Variants in SCARB2 observed in about 807,000 individuals in gnomAD.
SCARB2 encodes lysosome membrane protein 2.
SCARB2 carries 29 observed loss-of-function variants against 58.6 expected under a neutral mutation model. The ratio of observed to expected loss-of-function variants is 0.49; its 90% CI spans 0.37 to 0.67. SCARB2 has a LOEUF of 0.67. Ranked by LOEUF, SCARB2 falls within the 30% of genes least tolerant of loss-of-function variation. The pLI, the probability that SCARB2 is intolerant of heterozygous loss-of-function variation, is 0.00. For synonymous variants in SCARB2, 195 were observed against 210.1 expected, an observed-to-expected ratio of 0.93 and a Z score of 0.62; for missense variants, 488 against 578.5, an observed-to-expected ratio of 0.84 and a Z score of 1.60.
intron 1 of SCARB2, among the ~76,000 whole-genome samples, chr4:76,223,731 G>T (rs987721549): frequency 6.6e-6 from 1 of 152,138 alleles, no homozygotes; most frequent in African/African-American, 2.4e-5. Flanking sequence ...GTCCCTCAAG[G>T]CCCAGTCACA....
At position 76,165,870 on chromosome 4, in the gene SCARB2, A is replaced by T. The variant is rs1731998589; in HGVS notation, c.1239+380T>A. 1.3e-5 allele frequency: 4 copies of T among 319,624 alleles called. No homozygotes were observed. In the East Asian group the frequency reaches 2.9e-4, roughly 23 times the overall value. The allele number at this position is 319,624 out of a possible 1,614,324, so 19.8% of individuals were successfully genotyped here. A position where few individuals can be genotyped will look rare whatever the true frequency, so the allele number is the denominator to read the frequency against. Reference sequence around the variant, plus strand: ...AAAAGAATTTATCATAGGTGTCTTAAACCAGCATGGTTTCAAAGAAGGGGG... The same window carrying T: ...AAAAGAATTTATCATAGGTGTCTTATACCAGCATGGTTTCAAAGAAGGGGG... On this transcript the variant is annotated intron_variant, in intron 10 of 11. Coordinates refer to ENST00000264896, the MANE Select transcript of SCARB2 (RefSeq NM_005506.4).
intron 3 of SCARB2, 56 bp from the exon 4 acceptor site, chr4:76,179,761 A>G: frequency 8.0e-7 from 1 of 1,242,360 alleles, no homozygotes; most frequent in Non-Finnish European, 1.2e-6. Flanking sequence ...ACCTCCATCC[A>G]CTCTCTCCTA....
At chr4:76,182,891 T>C (rs1398926929) in intron 2 of SCARB2, among the ~76,000 whole-genome samples, 1 of 152,182 alleles carries the variant, frequency 6.6e-6, no homozygotes, top group East Asian at 1.9e-4. Context: ...ACAATGGGTT[T>C]ATCTGGATGT....
rs548264553 is a variant in SCARB2, at chr4:76,197,559, G to A, written c.118-1695C>T. Among the ~76,000 whole-genome samples, 4 of 152,280 alleles carry A rather than the reference G, an allele frequency of 2.6e-5. No individual in the cohort carries two copies. The South Asian group carries it at 8.3e-4, about 32-fold the overall frequency. ...TTATTGTTATAAGCAACGAGACTGG[G>A]GAGTTACTTGTTACTCACCGTGGCA... On this transcript the variant is annotated intron_variant, in intron 1 of 11. Transcript: ENST00000264896.
chr4:76,200,535 C>A lies in SCARB2; in HGVS notation c.118-4671G>T, dbSNP rs181862866. Among the ~76,000 whole-genome samples, 8 of 152,266 alleles carry A rather than the reference C, an allele frequency of 5.3e-5. No homozygotes were observed. The East Asian group carries it at 1.5e-3, about 29-fold the overall frequency. ...TACCTACTGAGAGCTTTCTATGTGC[C>A]CGGACTATGCCCTGCAAACAGGCAT... On this transcript the variant is annotated intron_variant, in intron 1 of 11. Transcript: ENST00000264896.
At chr4:76,202,062 C>T (rs928231017) in intron 1 of SCARB2, among the ~76,000 whole-genome samples, 3 of 152,130 alleles carry the variant, frequency 2.0e-5, no homozygotes, top group Non-Finnish European at 4.4e-5. Flanking sequence ...AGCAATAAAA[C>T]ATCACATTTA....
rs1164887465 is a variant in SCARB2, at chr4:76,166,289, G to A, written c.1200C>T (p.Asp400=). Residue 400 remains aspartate, a synonymous_variant, in exon 10 of 12, where the codon GAC becomes GAT. Coordinates refer to ENST00000264896, the MANE Select transcript of SCARB2 (RefSeq NM_005506.4). ...KKLDDFVETG[D]IRTMVFPVMY... Reference sequence around the variant, plus strand: ...TCACTGGGAAAACCATGGTTCTAATGTCTCCCGTTTCACTACAAAGACAAA... The same window carrying A: ...TCACTGGGAAAACCATGGTTCTAATATCTCCCGTTTCACTACAAAGACAAA... 1.9e-6 allele frequency: 3 copies of A among 1,613,948 alleles called. No homozygotes were observed. Among genetic ancestry groups the A allele is most frequent in the Non-Finnish European group, 2.5e-6 (3 of 1,180,002 alleles).
At chr4:76,221,867 C>A (rs1733315469) in intron 1 of SCARB2, among the ~76,000 whole-genome samples, 1 of 152,148 alleles carries the variant, frequency 6.6e-6, no homozygotes, top group Non-Finnish European at 1.5e-5. Flanking sequence ...ACCCAGTTTA[C>A]CTGTGTAACA....
chr4:76,191,508 C>T (rs1340618380), intron 2 of SCARB2, among the ~76,000 whole-genome samples: 2 of 151,966 alleles, frequency 1.3e-5, no homozygotes, highest in Non-Finnish European at 2.9e-5. Flanking sequence ...GGCACCTCTC[C>T]CCTCTCTTGC....
chr4:76,163,381 A>G lies in SCARB2; in HGVS notation c.1242T>C (p.Ser414=), dbSNP rs1001678423. ...TCGCCGTCTCTTTATCAATGTGAACACTCTGGAGAGGCAAGAAAATAGTAT... is the reference window on the plus strand; with the variant it reads ...TCGCCGTCTCTTTATCAATGTGAACGCTCTGGAGAGGCAAGAAAATAGTAT... The part of the protein sequence containing the change: ...MVFPVMYLNE[S]VHIDKETASR... Residue 414 remains serine (S), a splice_region_variant and synonymous_variant, in exon 11 of 12, where the codon AGT becomes AGC. Transcript: ENST00000264896. 1 of 1,614,022 alleles carries G rather than the reference A, an allele frequency of 6.2e-7. No individual in the cohort carries two copies. The highest frequency in any genetic ancestry group is 1.3e-5 in the African/African-American group (1 of 74,956).
Position 76,172,331 on chromosome 4 carries a change from A to G in SCARB2, c.994+1813T>C, listed in dbSNP as rs570635809. On this transcript the variant is annotated intron_variant, in intron 7 of 11. Coordinates refer to ENST00000264896, the MANE Select transcript of SCARB2 (RefSeq NM_005506.4). ...GCCCAGGCTGGAGTGCAGTGTTGCA[A>G]TCATAGCTCACTGCAGCCTTGAATT... is the stretch of plus-strand genomic sequence containing the variant. 2.3e-4 allele frequency among the ~76,000 whole-genome samples: 35 copies of G among 151,632 alleles called. 1 individual carries two copies. The South Asian group carries it at 5.6e-3, about 24-fold the overall frequency.
chr4:76,218,492 T>C (rs1733253328), upstream of SCARB2, among the ~76,000 whole-genome samples: 2 of 152,210 alleles, frequency 1.3e-5, no homozygotes, highest in Admixed American at 1.3e-4. Context: ...CCCATGTCCC[T>C]GTCTACCGCC....
At chr4:76,200,296 A>G (rs1424214526) in intron 1 of SCARB2, among the ~76,000 whole-genome samples, 1 of 152,218 alleles carries the variant, frequency 6.6e-6, no homozygotes, top group Non-Finnish European at 1.5e-5. Flanking sequence ...GTGACTCTGG[A>G]TATTAAGAGT....
intron 1 of SCARB2, among the ~76,000 whole-genome samples, chr4:76,205,355 A>G (rs1732909770): frequency 6.6e-6 from 1 of 151,968 alleles, no homozygotes; most frequent in African/African-American, 2.4e-5. Flanking sequence ...AAACAAAAAT[A>G]AAATAAAATA....
intron 6 of SCARB2, chr4:76,175,432 T>C (rs931855470): frequency 1.6e-5 from 5 of 309,164 alleles, no homozygotes; most frequent in Admixed American, 4.7e-5. Flanking sequence ...TACTGTGTGA[T>C]GGGCCCTGGG....
At chr4:76,209,880 C>T (rs902450959) in intron 1 of SCARB2, among the ~76,000 whole-genome samples, 5 of 152,218 alleles carry the variant, frequency 3.3e-5, no homozygotes, top group African/African-American at 1.2e-4. Context: ...CACTGGTTCC[C>T]TTGCCATCCC....
intron 1 of SCARB2, 48 bp downstream of exon 1, chr4:76,213,379 G>A (rs993896732): frequency 7.1e-6 from 9 of 1,269,414 alleles, no homozygotes; most frequent in Admixed American, 1.7e-5. Flanking sequence ...GGGATGGGAG[G>A]GTGAGCTGGA....
At chr4:76,218,603 T>G (rs1292699555), upstream of SCARB2, among the ~76,000 whole-genome samples, 1 of 152,200 alleles carries the variant, frequency 6.6e-6, no homozygotes, top group Non-Finnish European at 1.5e-5. Context: ...TGGTTTTTAT[T>G]TTGTTTGGGG....
chr4:76,217,972 A>G (rs1373772161), upstream of SCARB2, among the ~76,000 whole-genome samples: 1 of 152,256 alleles, frequency 6.6e-6, no homozygotes, highest in Non-Finnish European at 1.5e-5. Context: ...AAATGAGTTT[A>G]ATGATGTAGT....
Sources: gnomAD v4.1 joint callset for allele counts (sites outside exome capture counted in the v4.1 genomes callset) on GRCh38, gnomAD v4.1.1 for gene constraint, MANE v1.5 for transcripts, NCBI Gene and HGNC (gene_info 2026-07-23, HGNC 2026-07-21) for gene names.